NUDT1: variants seen among roughly 807,000 people sequenced by gnomAD.
NUDT1 encodes the protein nudix hydrolase 1.
NUDT1 carries 16 observed loss-of-function variants against 11.3 expected under a neutral mutation model. The observed-to-expected ratio is 1.41, with a 90% confidence interval of 0.96 to 2.15. The LOEUF (loss-of-function observed/expected upper bound fraction) is 2.15. NUDT1 is among the 30% of genes most tolerant of loss of function. The pLI, the probability that NUDT1 is intolerant of heterozygous loss-of-function variation, is 0.00. For synonymous variants in NUDT1, 101 were observed against 84.4 expected (o/e 1.20, Z -1.08); for missense variants, 234 against 208.4 (o/e 1.12, Z -0.76).
intron 2 of NUDT1, 180 bp from the exon 3 acceptor site, chr7:2,249,677 T>C: frequency 1.4e-6 from 1 of 717,358 alleles, no homozygotes; most frequent in Non-Finnish European, 2.3e-6. Context: ...TCAAGTTGAT[T>C]CTGAAGCTCA....
chr7:2,248,225 T>C (rs1794844449), intron 2 of NUDT1: 2 of 152,214 alleles, frequency 1.3e-5, no homozygotes, highest in Admixed American at 6.5e-5. Context: ...TAGCCGGGCA[T>C]GGTAAGAGGA....
chr7:2,245,878 G>A (rs936866013), intron 2 of NUDT1, among the ~76,000 whole-genome samples: 5 of 150,810 alleles, frequency 3.3e-5, no homozygotes, highest in Non-Finnish European at 5.9e-5. Flanking sequence ...CCGATTTCCC[G>A]GGGTACATGG....
At chr7:2,245,647 C>G (rs1404526072) in intron 2 of NUDT1, among the ~76,000 whole-genome samples, 1 of 152,132 alleles carries the variant, frequency 6.6e-6, no homozygotes, top group East Asian at 1.9e-4. Flanking sequence ...CAGCCTCAAA[C>G]TCTTGGGCTC....
At chr7:2,244,451 T>TTG in intron 1 of NUDT1, 112 bp from the exon 2 acceptor site, 23 of 981,604 alleles carry the variant, frequency 2.3e-5, no homozygotes, top group Non-Finnish European at 3.2e-5. Context: ...AGTTACAGCA[T>TTG]ACCCCCCCGC....
At chr7:2,242,619 C>A (rs1794593405) in intron 1 of NUDT1, 1 of 330,128 alleles carries the variant, frequency 3.0e-6, no homozygotes, top group Non-Finnish European at 5.6e-6. Context: ...CCTGCCTCCG[C>A]CACCAGGACC....
chr7:2,243,124 A>C (rs1314255658), intron 1 of NUDT1: 1 of 656,726 alleles, frequency 1.5e-6, no homozygotes, highest in Non-Finnish European at 2.8e-6. Context: ...TCATGGTTCC[A>C]TCAGTTGATG....
Position 2,244,691 on chromosome 7 carries a change from G to T in NUDT1, c.117G>T (p.Val39=). ...GGTGGAATGGCTTTGGGGGCAAAGT[G>T]CAAGAAGGAGAGACCATCGAGGATG... The part of the protein sequence containing the change: ...AGRWNGFGGK[V]QEGETIEDGA... Residue 39 remains valine (V), a synonymous_variant, in exon 2 of 4, where the codon GTG becomes GTT. Transcript: ENST00000356714. 2.5e-6 allele frequency: 4 copies of T among 1,612,998 alleles called. No homozygotes were observed. Among genetic ancestry groups the T allele is most frequent in the Non-Finnish European group, 3.4e-6 (4 of 1,179,684 alleles).
chr7:2,249,516 C>CG (rs956013634), intron 2 of NUDT1: 6 of 390,256 alleles, frequency 1.5e-5, no homozygotes, highest in African/African-American at 1.2e-4. Flanking sequence ...GGTCTCGAGA[C>CG]GGTGGACAAG....
In NUDT1 at chr7:2,248,982, T is replaced by A. The variant is rs550726126; in HGVS notation, c.153-875T>A. ...AATGGTAGCATTCCTGGGTGATGAG[T>A]TTATGGCGTTTTGTTTCCTGGTTGT... On this transcript the variant is annotated intron_variant, in intron 2 of 3. Transcript: ENST00000356714. Among the ~76,000 whole-genome samples, 5 of 152,106 alleles carry A rather than the reference T, an allele frequency of 3.3e-5. No homozygotes were observed. In the South Asian group the frequency reaches 6.2e-4, roughly 19 times the overall value.
chr7:2,243,118 G>C, intron 1 of NUDT1: 1 of 664,328 alleles, frequency 1.5e-6, no homozygotes, highest in Admixed American at 2.2e-5. Flanking sequence ...CCAAACTCAT[G>C]GTTCCATCAG....
Position 2,250,966 on chromosome 7 carries a change from C to A in NUDT1, c.436C>A (p.Leu146Met), listed in dbSNP as rs142532068. Reference sequence around the variant, plus strand: ...CAAGTTCCAGGGTCAGGACACCATCCTGGACTACACACTCCGCGAGGTGGA... The same window carrying A: ...CAAGTTCCAGGGTCAGGACACCATCATGGACTACACACTCCGCGAGGTGGA... ...YFKFQGQDTI[L>M]DYTLREVDTV Residue 146 changes from leucine to methionine, a missense_variant, in exon 4 of 4, where the codon CTG becomes ATG. Leu to Met is a conservative substitution (Grantham distance 15). Coordinates refer to ENST00000356714, the MANE Select transcript of NUDT1 (RefSeq NM_002452.4). 1,265 of 1,613,856 alleles carry A rather than the reference C, an allele frequency of 7.8e-4. 1 individual carries two copies. The highest frequency in any genetic ancestry group is 1.0e-3 in the Non-Finnish European group (1,204 of 1,179,964).
chr7:2,244,451 T>TGGCC, intron 1 of NUDT1, 112 bp from the exon 2 acceptor site: 1 of 981,622 alleles, frequency 1.0e-6, no homozygotes, highest in Non-Finnish European at 1.5e-6. Context: ...AGTTACAGCA[T>TGGCC]ACCCCCCCGC....
In NUDT1 at chr7:2,250,855, G is replaced by A. The variant is rs1794991383; in HGVS notation, c.325G>A (p.Asp109Asn). 1.2e-6 allele frequency: 2 copies of A among 1,614,212 alleles called. No homozygotes were observed. Among genetic ancestry groups the A allele is most frequent in the Non-Finnish European group, 1.7e-6 (2 of 1,180,034 alleles). ...AATGCGCCCATGCTGGTTCCAGCTG[G>A]ATCAGATCCCCTTCAAGGACATGTG... ...DEMRPCWFQL[D>N]QIPFKDMWPD... The change falls in exon 4 of 4, where the codon GAT becomes AAT. Residue 109 changes from aspartate (D) to asparagine (N), a missense_variant. Physicochemically the swap from Asp to Asn is conservative, Grantham distance 23. Transcript: ENST00000356714.
At chr7:2,245,793 C>G (rs1794745548) in intron 2 of NUDT1, among the ~76,000 whole-genome samples, 1 of 151,860 alleles carries the variant, frequency 6.6e-6, no homozygotes, top group Non-Finnish European at 1.5e-5. Flanking sequence ...CCTCCCGGGC[C>G]TCCCAGAGTG....
At chr7:2,250,603 G>A (rs35039191) in intron 3 of NUDT1, among the ~76,000 whole-genome samples, 6,864 of 151,604 alleles carry the variant, frequency 0.045, 504 homozygotes, top group African/African-American at 0.16. Flanking sequence ...GACTACAGGC[G>A]CCCGCCACCA....
rs767068640 is a variant in NUDT1 at position 2,244,690 on chromosome 7, T to A, written c.116T>A (p.Val39Glu). The A allele has an allele frequency of 1.9e-6, 3 of 1,612,932 alleles. No individual in the cohort carries two copies. The South Asian group carries it at 3.3e-5, about 18-fold the overall frequency. Residue 39 changes from valine to glutamate, a missense_variant, in exon 2 of 4, where the codon GTG becomes GAG. Transcript: ENST00000356714. Reference sequence around the variant, plus strand: ...CGGTGGAATGGCTTTGGGGGCAAAGTGCAAGAAGGAGAGACCATCGAGGAT... The same window carrying A: ...CGGTGGAATGGCTTTGGGGGCAAAGAGCAAGAAGGAGAGACCATCGAGGAT... ...AGRWNGFGGKVQEGETIEDGA... is the reference protein window; with the variant it reads ...AGRWNGFGGKEQEGETIEDGA...
At chr7:2,250,050 CTCCTGGCTGGGAGAAAGGCCA>C in intron 3 of NUDT1, 48 bp downstream of exon 3, 1 of 1,604,646 alleles carries the variant, frequency 6.2e-7, no homozygotes, top group Non-Finnish European at 8.5e-7. Context: ...CGGGTCCCAT[CTCCTGGCTGGGAGAAAGGCCA>C]TCCGCCCAAA....
At chr7:2,250,517 G>C (rs897828864) in intron 3 of NUDT1, among the ~76,000 whole-genome samples, 19 of 152,346 alleles carry the variant, frequency 1.2e-4, no homozygotes, top group Admixed American at 1.3e-4. Context: ...GAGGGCAATG[G>C]CGCAATCTCG....
At chr7:2,244,024 G>A (rs1250231596) in intron 1 of NUDT1, among the ~76,000 whole-genome samples, 1 of 152,174 alleles carries the variant, frequency 6.6e-6, no homozygotes, top group Non-Finnish European at 1.5e-5. Flanking sequence ...GGCCTGGCTG[G>A]GTGGACCTGT....
Sources: allele counts gnomAD v4.1 joint callset (sites outside exome capture counted in the v4.1 genomes callset), GRCh38; gene constraint gnomAD v4.1.1; transcripts MANE v1.5; gene names NCBI Gene and HGNC (gene_info 2026-07-23, HGNC 2026-07-21).